ULK4: variants seen among roughly 807,000 people sequenced by gnomAD.
ULK4 encodes inactive serine/threonine-protein kinase ULK4.
ULK4 carries 133 observed loss-of-function variants against 160.6 expected under a neutral mutation model. The ratio of observed to expected loss-of-function variants is 0.83; its 90% CI spans 0.72 to 0.96. The LOEUF is 0.96. Among genes scored for constraint, ULK4 ranks in the 40% least tolerant of loss-of-function variants. The pLI is 0.00. For missense variants in ULK4, 1,580 were observed against 1,499.5 expected, an observed-to-expected ratio of 1.05 and a Z score of -0.89; for synonymous variants, 534 against 539.8, an observed-to-expected ratio of 0.99 and a Z score of 0.15.
rs56274594 is a variant in ULK4 at position 41,289,854 on chromosome 3, T to C, written c.3679-40280A>G. 3.7e-3 allele frequency among the ~76,000 whole-genome samples: 512 copies of C among 137,644 alleles called. 5 individuals carry two copies. The highest frequency in any genetic ancestry group is 5.2e-3 in the African/African-American group (192 of 36,906). 90.3% of individuals were successfully genotyped at this position (137,644 alleles called of 152,430 possible). ...ATGTATGTATGTATGTATGTATGTA[T>C]GTACGTATGTATGTATGTATGTGTG... is the stretch of plus-strand genomic sequence containing the variant. On this transcript the variant is annotated intron_variant, in intron 35 of 36. Coordinates refer to ENST00000301831, the MANE Select transcript of ULK4 (RefSeq NM_017886.4).
At chr3:41,876,142 T>C (rs926282783) in intron 17 of ULK4, among the ~76,000 whole-genome samples, 1 of 150,520 alleles carries the variant, frequency 6.6e-6, no homozygotes, top group Non-Finnish European at 1.5e-5. Context: ...CAAGAATCAA[T>C]GTAATGTGGC....
At chr3:41,931,629 G>T in intron 5 of ULK4, 1 of 490,874 alleles carries the variant, frequency 2.0e-6, no homozygotes, top group Non-Finnish European at 3.5e-6. Context: ...TACAGGTTTT[G>T]TTAAGGTTCC....
At chr3:41,563,753 A>G (rs1252587260) in intron 32 of ULK4, among the ~76,000 whole-genome samples, 1 of 152,094 alleles carries the variant, frequency 6.6e-6, no homozygotes, top group East Asian at 1.9e-4. Context: ...CTAGTTAGCC[A>G]TTCGTCTAAA....
chr3:41,713,005 G>T (rs965035682), intron 25 of ULK4, among the ~76,000 whole-genome samples: 4 of 151,548 alleles, frequency 2.6e-5, no homozygotes, highest in Admixed American at 2.6e-4. Context: ...ACTATGCTCC[G>T]GACAATTTCA....
chr3:41,699,832 T>C (rs1009013581), intron 27 of ULK4, among the ~76,000 whole-genome samples: 6 of 152,234 alleles, frequency 3.9e-5, no homozygotes, highest in Admixed American at 3.3e-4. Flanking sequence ...AAAATATTTT[T>C]ATGAAGCCAG....
chr3:41,918,590 T>G lies in ULK4; in HGVS notation c.644-50A>C, dbSNP rs756357508. 12 of 624,052 alleles carry G rather than the reference T, an allele frequency of 1.9e-5. No individual in the cohort carries two copies. The East Asian group carries it at 4.2e-4, about 22-fold the overall frequency. The allele number at this position is 624,052 out of a possible 1,614,324, so 38.7% of individuals were successfully genotyped here. A position where few individuals can be genotyped will look rare whatever the true frequency, so the allele number is the denominator to read the frequency against. On this transcript the variant is annotated intron_variant, in intron 6 of 36. Coordinates refer to ENST00000301831, the MANE Select transcript of ULK4 (RefSeq NM_017886.4). ...AATGAAAGAAGTCTGCTATCACCAATAATTCTTTTTTTTTTTTTTTTTTTT... is the reference window on the plus strand; with the variant it reads ...AATGAAAGAAGTCTGCTATCACCAAGAATTCTTTTTTTTTTTTTTTTTTTT...
rs199573333 is a variant in ULK4 at position 41,681,562 on chromosome 3, C to T, written c.2924G>A (p.Ser975Asn). ...CAGAAGATTGCTGTCAGAATCAACA[C>T]TGGCCTTCTCCTTGCCATCCCCAAA... is the stretch of plus-strand genomic sequence containing the variant. ...QEFGDGKEKA[S>N]VDSDSNLLAL... Residue 975 changes from serine (S) to asparagine (N), a missense_variant, in exon 29 of 37, where the codon AGT becomes AAT. Coordinates refer to ENST00000301831, the MANE Select transcript of ULK4 (RefSeq NM_017886.4). 183 of 1,614,024 alleles carry T rather than the reference C, an allele frequency of 1.1e-4. No individual in the cohort carries two copies. The African/African-American group carries it at 2.4e-3, about 21-fold the overall frequency.
At chr3:41,441,105 T>G (rs1191345710) in intron 34 of ULK4, among the ~76,000 whole-genome samples, 1 of 152,106 alleles carries the variant, frequency 6.6e-6, no homozygotes, top group Non-Finnish European at 1.5e-5. Flanking sequence ...TGATTTTACT[T>G]ATGTTCTCCA....
At chr3:41,273,739 G>A (rs529132691) in intron 35 of ULK4, among the ~76,000 whole-genome samples, 6 of 152,230 alleles carry the variant, frequency 3.9e-5, no homozygotes, top group South Asian at 2.1e-4. Flanking sequence ...GGAGTGGATC[G>A]CTCATGAATG....
At chr3:41,868,680 T>G (rs1056283143) in intron 17 of ULK4, among the ~76,000 whole-genome samples, 2 of 151,678 alleles carry the variant, frequency 1.3e-5, no homozygotes, top group African/African-American at 4.9e-5. Context: ...TTTTTTTTAG[T>G]AGAGACAGGT....
intron 21 of ULK4, among the ~76,000 whole-genome samples, chr3:41,765,164 T>C (rs1012282555): frequency 2.6e-5 from 4 of 152,144 alleles, no homozygotes; most frequent in Non-Finnish European, 4.4e-5. Flanking sequence ...AACCCAAATG[T>C]CCATCAATGA....
At chr3:41,869,993 A>AT (rs967403239) in intron 17 of ULK4, among the ~76,000 whole-genome samples, 1 of 152,102 alleles carries the variant, frequency 6.6e-6, no homozygotes, top group African/African-American at 2.4e-5. Context: ...GGGATAGCAG[A>AT]TTTTTTTCTT....
At chr3:41,637,094 C>G (rs192584779) in intron 30 of ULK4, among the ~76,000 whole-genome samples, 47 of 152,222 alleles carry the variant, frequency 3.1e-4, no homozygotes, top group African/African-American at 1.1e-3. Flanking sequence ...TCTACTCTCA[C>G]CAATTTTCAA....
intron 32 of ULK4, among the ~76,000 whole-genome samples, chr3:41,479,841 T>G: frequency 6.6e-6 from 1 of 152,154 alleles, no homozygotes; most frequent in East Asian, 1.9e-4. Context: ...TATAGACAAA[T>G]TCCTATTTTT....
chr3:41,492,265 A>T (rs571081417), intron 32 of ULK4, among the ~76,000 whole-genome samples: 55 of 152,274 alleles, frequency 3.6e-4, no homozygotes, highest in South Asian at 2.5e-3. Flanking sequence ...GATGGCTGGG[A>T]CAAATGGTAT....
chr3:41,306,195 C>CAGCCG (rs2079925062), intron 35 of ULK4, among the ~76,000 whole-genome samples: 1 of 89,024 alleles, frequency 1.1e-5, no homozygotes, highest in African/African-American at 8.2e-5. Context: ...GGGGGTCAGC[C>CAGCCG]CCCCACCCCG....
rs75101303 is a variant in ULK4 at position 41,745,062 on chromosome 3, A to G, written c.2321+9299T>C. Among the ~76,000 whole-genome samples, 430 of 151,758 alleles carry G rather than the reference A, an allele frequency of 2.8e-3. 9 individuals are homozygous for G. Among genetic ancestry groups the G allele is most frequent in the Middle Eastern group, 0.017 (5 of 294 alleles). ...AAATCTATGCAAATGCTACAAAAGCATCTGAGAGACAGAGTTATAGAAATA... is the reference window on the plus strand; with the variant it reads ...AAATCTATGCAAATGCTACAAAAGCGTCTGAGAGACAGAGTTATAGAAATA... On this transcript the variant is annotated intron_variant, in intron 22 of 36. Coordinates refer to ENST00000301831, the MANE Select transcript of ULK4 (RefSeq NM_017886.4).
intron 31 of ULK4, among the ~76,000 whole-genome samples, chr3:41,611,479 A>G (rs1201116642): frequency 3.3e-5 from 5 of 152,356 alleles, no homozygotes; most frequent in South Asian, 4.1e-4. Context: ...CTCCTGGGAC[A>G]TCGGATCGAA....
chr3:41,334,702 G>C (rs1035017710), intron 35 of ULK4, among the ~76,000 whole-genome samples: 3 of 152,096 alleles, frequency 2.0e-5, no homozygotes, highest in African/African-American at 7.2e-5. Context: ...AAGAGTTCTA[G>C]GTCTTTGAAG....
Sources: gnomAD v4.1 joint callset for allele counts (sites outside exome capture counted in the v4.1 genomes callset) on GRCh38, gnomAD v4.1.1 for gene constraint, MANE v1.5 for transcripts, NCBI Gene and HGNC (gene_info 2026-07-23, HGNC 2026-07-21) for gene names.